SPAG5: variants seen among roughly 807,000 people sequenced by gnomAD.
The protein encoded by SPAG5 is sperm associated antigen 5.
A neutral mutation model predicts 145.4 loss-of-function variants in SPAG5; 99 were observed. That is an observed-to-expected ratio of 0.68 (90% CI 0.58 to 0.80). The LOEUF (loss-of-function observed/expected upper bound fraction) is 0.80. SPAG5 is among the 30% of genes least tolerant of loss of function. SPAG5 has a pLI of 0.00. For synonymous variants in SPAG5, 477 were observed against 525.4 expected (o/e 0.91, Z 1.26); for missense variants, 1,192 against 1,416.0 (o/e 0.84, Z 2.54).
rs373965588 is a variant in SPAG5, at chr17:28,578,488, C to T, written c.3239G>A (p.Arg1080Gln). ...EEVTHLTRSL[R>Q]RAETETKVLQ... ...CACTTTGGTCTCTGTCTCCGCACGC[C>T]GAAGTGAGCGGGTAAGGTGGGTCAC... Residue 1080 changes from arginine to glutamine, a missense_variant, in exon 21 of 24, where the codon CGG (arginine) becomes CAG (glutamine). Around this residue, in one of 5 missense-constraint regions of SPAG5, gnomAD observed 709 missense variants for 840.7 expected, o/e 0.84. Transcript: ENST00000321765. 94 of 1,612,422 alleles carry T rather than the reference C, an allele frequency of 5.8e-5. No homozygotes were observed. The South Asian group carries it at 6.3e-4, about 11-fold the overall frequency.
chr17:28,577,986 A>T, intron 23 of SPAG5, 24 bp downstream of exon 23: 1 of 1,590,408 alleles, frequency 6.3e-7, no homozygotes, highest in Non-Finnish European at 8.6e-7. Flanking sequence ...TTCATTAGTG[A>T]TATCACCTCC....
chr17:28,586,099 C>T lies in SPAG5; in HGVS notation c.1596G>A (p.Val532=). The change falls in exon 6 of 24, where the codon GTG becomes GTA. Residue 532 remains valine (V), a synonymous_variant. Transcript: ENST00000321765. The part of the protein sequence containing the change: ...LLHLEEDKTT[V]SQESRRAETL... ...TCTTCAGGCTGCTTACCTCCTGACT[C>T]ACAGTAGTCTTATCTTCTTCTAAAT... The T allele has an allele frequency of 1.2e-6, 2 of 1,614,038 alleles. No individual in the cohort carries two copies. The highest frequency in any genetic ancestry group is 1.7e-6 in the Non-Finnish European group (2 of 1,179,894).
At position 28,585,312 on chromosome 17, in the gene SPAG5, TACTC is replaced by T; in HGVS notation, c.1953+3_1953+6del. On this transcript the variant is annotated splice_donor_5th_base_variant and intron_variant, in intron 9 of 23. Transcript: ENST00000321765. ...AGGAATTAGTTATGATGGTCCCAAA[TACTC>T]ACATCCAGTTGCATGGACCTCCAGT... is the stretch of plus-strand genomic sequence containing the variant. 2 of 1,613,762 alleles carry T rather than the reference TACTC, an allele frequency of 1.2e-6. No individual in the cohort carries two copies. The highest frequency in any genetic ancestry group is 1.7e-6 in the Non-Finnish European group (2 of 1,179,634).
rs775058416 is a variant in SPAG5, at chr17:28,579,768, A to G, written c.2867T>C (p.Val956Ala). ...KSAFTRVASMVSLQPAETPGM... is the reference protein window; with the variant it reads ...KSAFTRVASMASLQPAETPGM... ...CTCCTAACCTGCGGGCTGAAGGGAA[A>G]CCATTGATGCTACTCGGGTGAAAGC... Residue 956 changes from valine (V) to alanine (A), a missense_variant, in exon 17 of 24, where the codon GTT (valine) becomes GCT (alanine). Physicochemically the swap from Val to Ala is moderately conservative, Grantham distance 64 (BLOSUM62 0). Around this residue, in one of 5 missense-constraint regions of SPAG5, gnomAD observed 709 missense variants for 840.7 expected, o/e 0.84. Coordinates refer to ENST00000321765, the MANE Select transcript of SPAG5 (RefSeq NM_006461.4). 10 of 1,614,056 alleles carry G rather than the reference A, an allele frequency of 6.2e-6. No homozygotes were observed. Among genetic ancestry groups the G allele is most frequent in the South Asian group, 2.2e-5 (2 of 91,094 alleles).
intron 7 of SPAG5, 105 bp downstream of exon 7, chr17:28,585,759 G>A: frequency 6.2e-7 from 1 of 1,606,710 alleles, no homozygotes; most frequent in Non-Finnish European, 8.5e-7. Context: ...GCCCAGGGCA[G>A]GCAGTTCTTA....
Position 28,584,911 on chromosome 17 carries a change from A to T in SPAG5, c.2068-166T>A, listed in dbSNP as rs1373528903. ...CAGGAAAAAGTAGAGACAGGAGAAA[A>T]GTTGCTGAAGTAAAGATGCTGAAGG... On this transcript the variant is annotated intron_variant, in intron 10 of 23. Coordinates refer to ENST00000321765, the MANE Select transcript of SPAG5 (RefSeq NM_006461.4). 2.0e-5 allele frequency among the ~76,000 whole-genome samples: 3 copies of T among 152,228 alleles called. No homozygotes were observed. The East Asian group carries it at 5.8e-4, about 29-fold the overall frequency.
chr17:28,594,809 T>C (rs1229823768), intron 2 of SPAG5, among the ~76,000 whole-genome samples: 1 of 151,708 alleles, frequency 6.6e-6, no homozygotes, highest in Non-Finnish European at 1.5e-5. Flanking sequence ...AATTTTGAAA[T>C]TATTAAAAGG....
At chr17:28,587,731 A>AG (rs1234227892) in intron 4 of SPAG5, among the ~76,000 whole-genome samples, 3 of 151,706 alleles carry the variant, frequency 2.0e-5, no homozygotes, top group Non-Finnish European at 4.4e-5. Context: ...AAAAAAAAAA[A>AG]AAAAAAAAAG....
intron 4 of SPAG5, among the ~76,000 whole-genome samples, chr17:28,590,468 G>A (rs1001513537): frequency 3.4e-4 from 52 of 152,042 alleles, no homozygotes; most frequent in African/African-American, 1.2e-3. Context: ...GAGCTCAAGC[G>A]ATCCTCCCAC....
chr17:28,577,974 G>A, intron 23 of SPAG5, 36 bp downstream of exon 23: 2 of 1,556,122 alleles, frequency 1.3e-6, no homozygotes, highest in Non-Finnish European at 1.8e-6. Flanking sequence ...CCTTGTACCA[G>A]GTTCATTAGT....
intron 2 of SPAG5, among the ~76,000 whole-genome samples, chr17:28,598,148 T>C (rs570871376): frequency 1.3e-5 from 2 of 152,276 alleles, no homozygotes; most frequent in East Asian, 3.9e-4. Flanking sequence ...GAGTTCTAAC[T>C]ACCTCCTAGA....
rs1490340438 is a variant in SPAG5, at chr17:28,592,602, T to C, written c.642A>G (p.Leu214=). 3.1e-6 allele frequency: 5 copies of C among 1,614,166 alleles called. No individual in the cohort carries two copies. The Admixed American group carries it at 5.0e-5, about 16-fold the overall frequency. ...TGCTCAGGCTTTCCTTGGAGCAATG[T>C]AGTTGTTCAGAACAGGGATTTGGTG... ...ESPPNPCSEQ[L]HCSKESLSSR... The change falls in exon 3 of 24, where the codon CTA becomes CTG. Residue 214 remains leucine (L), a synonymous_variant. Coordinates refer to ENST00000321765, the MANE Select transcript of SPAG5 (RefSeq NM_006461.4).
intron 4 of SPAG5, among the ~76,000 whole-genome samples, chr17:28,588,084 C>T (rs2070597582): frequency 6.6e-6 from 1 of 152,188 alleles, no homozygotes; most frequent in Admixed American, 6.5e-5. Flanking sequence ...ACTACTGGAG[C>T]AGCACTGCTG....
intron 2 of SPAG5, among the ~76,000 whole-genome samples, chr17:28,593,346 A>G (rs879654893): frequency 2.0e-5 from 3 of 152,062 alleles, no homozygotes; most frequent in Non-Finnish European, 4.4e-5. Flanking sequence ...AAGTGACCCC[A>G]CTCATCTCCA....
In SPAG5 at chr17:28,598,638, GAGAAAGAAACCA is replaced by G; in HGVS notation, c.52-15_52-4del. 6.3e-7 allele frequency: 1 copy of G among 1,589,208 alleles called. No individual in the cohort carries two copies. On this transcript the variant is annotated splice_region_variant and splice_polypyrimidine_tract_variant and intron_variant, in intron 1 of 23. Transcript: ENST00000321765. ...GGAGTTCTCATAGATGGTTTTCCCTGAGAAAGAAACCAAGAAAGAGGGCGAGTGTGAGGAAGC... is the reference window on the plus strand; with the variant it reads ...GGAGTTCTCATAGATGGTTTTCCCTGAGAAAGAGGGCGAGTGTGAGGAAGC...
chr17:28,584,127 T>G, intron 13 of SPAG5, 23 bp downstream of exon 13: 1 of 1,613,254 alleles, frequency 6.2e-7, no homozygotes. Context: ...ACCAGCTCCC[T>G]TGGCCCAAGC....
intron 13 of SPAG5, 61 bp from the exon 14 acceptor site, chr17:28,584,047 G>A (rs967192756): frequency 8.9e-5 from 144 of 1,609,628 alleles, no homozygotes; most frequent in Non-Finnish European, 1.2e-4. Flanking sequence ...TGGGTACAGA[G>A]GCTTTTTCTA....
Position 28,583,548 on chromosome 17 carries a change from C to T in SPAG5, c.2648G>A (p.Ser883Asn). The T allele has an allele frequency of 4.3e-6, 7 of 1,612,386 alleles. No homozygotes were observed. The highest frequency in any genetic ancestry group is 1.3e-5 in the African/African-American group (1 of 74,900). ...TTTTGTCTGTAGAAAGAGAGTCAGG[C>T]TCTGTAGTTGCTCAGTCAGCAGCCC... is the stretch of plus-strand genomic sequence containing the variant. ...KLGLLTEQLQ[S>N]LTLFLQTKLK... is the part of the protein sequence containing the mutation. Residue 883 changes from serine (S) to asparagine (N), a missense_variant, in exon 15 of 24, where the codon AGC becomes AAC. By Grantham distance (46) the Ser-to-Asn change is conservative (BLOSUM62 1). Coordinates refer to ENST00000321765, the MANE Select transcript of SPAG5 (RefSeq NM_006461.4).
intron 8 of SPAG5, 31 bp downstream of exon 8, chr17:28,585,503 G>A (rs768022160): frequency 6.2e-7 from 1 of 1,613,892 alleles, no homozygotes; most frequent in South Asian, 1.1e-5. Context: ...TGTCAGCACA[G>A]ACCCCAGGAA....
Sources: allele counts gnomAD v4.1 joint callset (sites outside exome capture counted in the v4.1 genomes callset), GRCh38; gene constraint gnomAD v4.1.1; regional missense constraint gnomAD v4.1.1; transcripts MANE v1.5; gene names NCBI Gene and HGNC (gene_info 2026-07-23, HGNC 2026-07-21).